The following TRAF6 variants were observed in gnomAD, a reference collection of about 807,000 sequenced individuals.
TRAF6 encodes the protein TNF receptor-associated factor 6.
In TRAF6, 10 loss-of-function variants were observed where a neutral mutation model predicts 48.4. The observed-to-expected ratio is 0.21, with a 90% CI of 0.13 to 0.35. TRAF6 has a LOEUF of 0.35. TRAF6 is among the 10% of genes least tolerant of loss of function. The probability of loss-of-function intolerance (pLI) is 1.00; values close to 1 mark genes in which losing one functional copy is unlikely to be tolerated. For missense variants in TRAF6, 397 were observed against 661.0 expected, an observed-to-expected ratio of 0.60 and a Z score of 4.38; for synonymous variants, 186 against 219.6, an observed-to-expected ratio of 0.85 and a Z score of 1.35.
chr11:36,495,679 G>C (rs897016869), intron 4 of TRAF6, among the ~76,000 whole-genome samples: 1 of 152,054 alleles, frequency 6.6e-6, no homozygotes, highest in Non-Finnish European at 1.5e-5. Flanking sequence ...GATCACCTGA[G>C]GTCAGGAGTT....
chr11:36,508,332 A>G (rs1859836573), intron 1 of TRAF6, among the ~76,000 whole-genome samples: 1 of 151,998 alleles, frequency 6.6e-6, no homozygotes, highest in Non-Finnish European at 1.5e-5. Flanking sequence ...TGGAACGTTA[A>G]CTACTGCTAA....
At chr11:36,508,706 T>C (rs1024597611) in intron 1 of TRAF6, among the ~76,000 whole-genome samples, 12 of 152,220 alleles carry the variant, frequency 7.9e-5, no homozygotes, top group African/African-American at 2.9e-4. Context: ...GCTTCTTAAA[T>C]TTCTAAAGTG....
chr11:36,487,421 A>G lies in TRAF6; in HGVS notation c.*2417T>C, dbSNP rs1315359041. On this transcript the variant is annotated 3_prime_UTR_variant, in exon 7 of 7. Transcript: ENST00000526995. ...AGTCAAGATGAATGACCAGCATAAA[A>G]TAACTGGCTGGTTTATGACAAAATG... 1.3e-5 allele frequency: 2 copies of G among 152,254 alleles called. No individual in the cohort carries two copies. The highest frequency in any genetic ancestry group is 2.9e-5 in the Non-Finnish European group (2 of 68,046). 9.4% of individuals were successfully genotyped at this position (152,254 alleles called of 1,614,324 possible).
chr11:36,508,143 T>C (rs542584182), intron 1 of TRAF6, among the ~76,000 whole-genome samples: 1 of 152,214 alleles, frequency 6.6e-6, no homozygotes, highest in South Asian at 2.1e-4. Flanking sequence ...ATGCCAGGCC[T>C]AAAATAAAAA....
intron 2 of TRAF6, among the ~76,000 whole-genome samples, chr11:36,499,542 T>C (rs1338057446): frequency 6.6e-6 from 1 of 152,168 alleles, no homozygotes; most frequent in Non-Finnish European, 1.5e-5. Flanking sequence ...GGCATGGCAG[T>C]GAGCCGAGAT....
intron 4 of TRAF6, among the ~76,000 whole-genome samples, chr11:36,495,401 A>G (rs1859616785): frequency 6.6e-6 from 1 of 152,248 alleles, no homozygotes; most frequent in Non-Finnish European, 1.5e-5. Context: ...TTTCAGCAGC[A>G]GCATGACAAT....
intron 1 of TRAF6, among the ~76,000 whole-genome samples, chr11:36,504,037 T>C (rs1287601783): frequency 6.6e-6 from 1 of 152,192 alleles, no homozygotes; most frequent in Non-Finnish European, 1.5e-5. Context: ...TAAAAACACC[T>C]TATTGCTAAA....
At position 36,498,227 on chromosome 11, in the gene TRAF6, G is replaced by A. The variant is rs188277677; in HGVS notation, c.447+263C>T. On this transcript the variant is annotated intron_variant, in intron 3 of 6. Transcript: ENST00000526995. The stretch of plus-strand genomic sequence containing the variant: ...GCTCCTCAGGTTTACTGCAGATAAA[G>A]CTTACCAAAAGCTTATGAAACAATA... Among the ~76,000 whole-genome samples the A allele has an allele frequency of 1.8e-4, 27 of 152,206 alleles. No homozygotes were observed. The South Asian group carries it at 2.9e-3, about 16-fold the overall frequency.
Position 36,484,233 on chromosome 11 carries a change from T to TAATCCCTTCCTTC in TRAF6, c.*5592_*5604dup, listed in dbSNP as rs1859450005. 6.6e-6 allele frequency among the ~76,000 whole-genome samples: 1 copy of TAATCCCTTCCTTC among 152,242 alleles called. No individual in the cohort carries two copies. The highest frequency in any genetic ancestry group is 1.5e-5 in the Non-Finnish European group (1 of 68,042). On this transcript the variant is annotated 3_prime_UTR_variant, in exon 7 of 7. Transcript: ENST00000526995. ...CCACCTCAAATCTGGATAATTCCTT[T>TAATCCCTTCCTTC]AATCCCTTCCTTCAATACAACCTGC...
In TRAF6 at chr11:36,489,931, T is replaced by C. The variant is rs149566471; in HGVS notation, c.1476A>G (p.Thr492=). 227 of 1,614,060 alleles carry C rather than the reference T, an allele frequency of 1.4e-4. No individual in the cohort carries two copies. The highest frequency in any genetic ancestry group is 1.8e-4 in the Non-Finnish European group (218 of 1,180,038). ...TGGAGACCTCACAGCGCACTAATAA[T>C]GTGTCATCCTTAATGAAAGTTCTTT... ...LRQRTFIKDD[T]LLVRCEVSTR... Residue 492 remains threonine, a synonymous_variant, in exon 7 of 7, where the codon ACA becomes ACG. Coordinates refer to ENST00000526995, the MANE Select transcript of TRAF6 (RefSeq NM_004620.4).
In TRAF6 at chr11:36,489,676, G is replaced by C. The variant is rs1342459545; in HGVS notation, c.*162C>G. On this transcript the variant is annotated 3_prime_UTR_variant, in exon 7 of 7. Transcript: ENST00000526995. ...GGATTCCCAGGAAAAAACTGCCTCA[G>C]ATCATTTGTAACAGGAAGAAATAGT... The C allele has an allele frequency of 5.9e-6, 5 of 842,690 alleles. No homozygotes were observed. The highest frequency in any genetic ancestry group is 9.2e-6 in the Non-Finnish European group (5 of 540,544). The allele number at this position is 842,690 out of a possible 1,614,324, so 52.2% of individuals were successfully genotyped here.
At chr11:36,503,276 T>C (rs1224113867) in intron 1 of TRAF6, among the ~76,000 whole-genome samples, 1 of 151,936 alleles carries the variant, frequency 6.6e-6, no homozygotes. Context: ...CAAAGAAACT[T>C]GGCATGTGGT....
In TRAF6 at chr11:36,489,537, C is replaced by T; in HGVS notation, c.*301G>A. The T allele has an allele frequency of 3.0e-6, 1 of 329,424 alleles. No homozygotes were observed. Among genetic ancestry groups the T allele is most frequent in the Non-Finnish European group, 5.5e-6 (1 of 181,176 alleles). The allele number at this position is 329,424 out of a possible 1,614,324, so 20.4% of individuals were successfully genotyped here. Reference sequence around the variant, plus strand: ...TGGACTTTCTGACAATAAAATACACCAGAGCAAAAGCCCAAGAAAGTACAA... The same window carrying T: ...TGGACTTTCTGACAATAAAATACACTAGAGCAAAAGCCCAAGAAAGTACAA... On this transcript the variant is annotated 3_prime_UTR_variant, in exon 7 of 7. Transcript: ENST00000526995.
At chr11:36,507,669 G>C (rs1189620530) in intron 1 of TRAF6, among the ~76,000 whole-genome samples, 3 of 38,694 alleles carry the variant, frequency 7.8e-5, no homozygotes, top group Non-Finnish European at 1.7e-4. Context: ...ACACACGCGC[G>C]TGTATATATG....
rs777850702 is a variant in TRAF6, at chr11:36,496,907, G to A, written c.606+201C>T. On this transcript the variant is annotated intron_variant, in intron 4 of 6. Transcript: ENST00000526995. ...CTAGTATAAATGTTTTTTTAAGAAA[G>A]ACATGCAAAACAAATTCTACACTTA... 4.7e-4 allele frequency among the ~76,000 whole-genome samples: 72 copies of A among 152,144 alleles called. 1 individual carries two copies. The highest frequency in any genetic ancestry group is 1.0e-3 in the Admixed American group (16 of 15,274).
chr11:36,507,867 T>G (rs1859828201), intron 1 of TRAF6, among the ~76,000 whole-genome samples: 1 of 145,334 alleles, frequency 6.9e-6, no homozygotes, highest in Admixed American at 6.9e-5. Context: ...TACACACACT[T>G]TTTTTTTTGT....
intron 1 of TRAF6, among the ~76,000 whole-genome samples, chr11:36,507,146 ATG>A (rs1178583598): frequency 1.4e-5 from 2 of 138,940 alleles, no homozygotes; most frequent in Admixed American, 1.5e-4. Flanking sequence ...AAATGTATAT[ATG>A]TATATATACA....
intron 5 of TRAF6, 21 bp downstream of exon 5, chr11:36,494,955 A>G (rs1590637197): frequency 6.6e-7 from 1 of 1,515,132 alleles, no homozygotes; most frequent in African/African-American, 1.4e-5. Context: ...GAAAATAATA[A>G]TTTATGAAAA....
At chr11:36,496,151 G>C (rs1040612608) in intron 4 of TRAF6, among the ~76,000 whole-genome samples, 1 of 152,166 alleles carries the variant, frequency 6.6e-6, no homozygotes, top group Non-Finnish European at 1.5e-5. Context: ...TAGGGATCAA[G>C]GGCTTCGATT....
Sources: gnomAD v4.1 joint callset for allele counts (sites outside exome capture counted in the v4.1 genomes callset) on GRCh38, gnomAD v4.1.1 for gene constraint, MANE v1.5 for transcripts, NCBI Gene and HGNC (gene_info 2026-07-23, HGNC 2026-07-21) for gene names.